The following LRRTM3 variants were observed in gnomAD, a reference collection of about 807,000 sequenced individuals.
LRRTM3 encodes leucine rich repeat transmembrane neuronal 3, also known as leucine-rich repeat transmembrane neuronal protein 3.
Under a neutral mutation model 44.7 loss-of-function variants are expected in LRRTM3, and 24 were observed. The ratio of observed to expected loss-of-function variants is 0.54; its 90% CI spans 0.39 to 0.76. The LOEUF (loss-of-function observed/expected upper bound fraction) is 0.76, where lower values mean the gene tolerates loss of function less well. Ranked by LOEUF, LRRTM3 falls within the 30% of genes least tolerant of loss-of-function variation. The probability of loss-of-function intolerance (pLI) is 0.00; values close to 1 mark genes in which losing one functional copy is unlikely to be tolerated. For synonymous variants in LRRTM3, 277 were observed against 278.7 expected (o/e 0.99, Z 0.06); for missense variants, 587 against 702.2 (o/e 0.84, Z 1.85).
intron 2 of LRRTM3, among the ~76,000 whole-genome samples, chr10:66,951,851 G>C (rs1848555313): frequency 1.3e-5 from 2 of 152,192 alleles, no homozygotes; most frequent in African/African-American, 4.8e-5. Context: ...CACCTGGCCT[G>C]ATTAAGTTGT....
intron 2 of LRRTM3, among the ~76,000 whole-genome samples, chr10:67,089,415 T>G (rs946080636): frequency 5.3e-5 from 8 of 152,088 alleles, no homozygotes; most frequent in African/African-American, 1.7e-4. Flanking sequence ...ATAATTAAAA[T>G]TAATGATCCA....
At chr10:67,048,803 TCATAA>T (rs1350875236) in intron 2 of LRRTM3, among the ~76,000 whole-genome samples, 1 of 152,062 alleles carries the variant, frequency 6.6e-6, no homozygotes, top group Non-Finnish European at 1.5e-5. Flanking sequence ...GTATTATATC[TCATAA>T]CATAATAGTA....
intron 2 of LRRTM3, among the ~76,000 whole-genome samples, chr10:67,077,401 C>T (rs1468497116): frequency 6.6e-6 from 1 of 152,132 alleles, no homozygotes; most frequent in Non-Finnish European, 1.5e-5. Context: ...GCCCTGATGG[C>T]TTTTTGAGTC....
chr10:66,941,579 A>G (rs1170000466), intron 2 of LRRTM3, among the ~76,000 whole-genome samples: 1 of 152,188 alleles, frequency 6.6e-6, no homozygotes. Flanking sequence ...GATCTGAAAA[A>G]AAATCAAAGG....
chr10:67,027,436 CT>C lies in LRRTM3; in HGVS notation c.1537-70135del, dbSNP rs5785811. Among the ~76,000 whole-genome samples the C allele has an allele frequency of 8.0e-3, 1,072 of 134,312 alleles. 13 individuals carry two copies. The highest frequency in any genetic ancestry group is 0.025 in the African/African-American group (898 of 36,316). 88.1% of individuals were successfully genotyped at this position (134,312 alleles called of 152,430 possible). On this transcript the variant is annotated intron_variant, in intron 2 of 2. Transcript: ENST00000361320. ...GACTTGCCTTTTTTTTCTTTCATGA[CT>C]TTTTTTTTTTTTTTTGATACACAGT...
chr10:67,063,779 G>A (rs955856251), intron 2 of LRRTM3, among the ~76,000 whole-genome samples: 1 of 152,182 alleles, frequency 6.6e-6, no homozygotes, highest in South Asian at 2.1e-4. Flanking sequence ...AATTTCTATT[G>A]AGAGGTGGCT....
chr10:66,989,097 T>A (rs1335100222), intron 2 of LRRTM3, among the ~76,000 whole-genome samples: 1 of 152,154 alleles, frequency 6.6e-6, no homozygotes, highest in Non-Finnish European at 1.5e-5. Context: ...TCCTGGAAAT[T>A]GTATCTGTTT....
intron 2 of LRRTM3, among the ~76,000 whole-genome samples, chr10:67,027,335 C>A (rs910711374): frequency 5.9e-5 from 9 of 151,986 alleles, no homozygotes; most frequent in Admixed American, 4.6e-4. Context: ...AACTGACATT[C>A]TTCTAAAATT....
chr10:66,967,870 T>G (rs1253028579), intron 2 of LRRTM3, among the ~76,000 whole-genome samples: 1 of 152,112 alleles, frequency 6.6e-6, no homozygotes, highest in Non-Finnish European at 1.5e-5. Flanking sequence ...TAATAGGTTC[T>G]TAGAAGGGAG....
At position 67,058,765 on chromosome 10, in the gene LRRTM3, G is replaced by C. The variant is rs556423159; in HGVS notation, c.1537-38822G>C. Among the ~76,000 whole-genome samples, 49 of 152,232 alleles carry C rather than the reference G, an allele frequency of 3.2e-4. No individual in the cohort carries two copies. In the Middle Eastern group the frequency reaches 0.01, roughly 32 times the overall value. ...TTGTGTATCTAAGGAATCGTGACTAGACTTGTAATGTCTGCATCACAGAGC... is the reference window on the plus strand; with the variant it reads ...TTGTGTATCTAAGGAATCGTGACTACACTTGTAATGTCTGCATCACAGAGC... On this transcript the variant is annotated intron_variant, in intron 2 of 2. Coordinates refer to ENST00000361320, the MANE Select transcript of LRRTM3 (RefSeq NM_178011.5).
At chr10:66,992,067 G>T (rs1851070795) in intron 2 of LRRTM3, among the ~76,000 whole-genome samples, 1 of 152,090 alleles carries the variant, frequency 6.6e-6, no homozygotes, top group Admixed American at 6.5e-5. Flanking sequence ...ATTAGGATAT[G>T]GACTTCCTCA....
chr10:66,928,159 A>C lies in LRRTM3; in HGVS notation c.1243A>C (p.Ile415Leu). 6.2e-7 allele frequency: 1 copy of C among 1,614,048 alleles called. No homozygotes were observed. The highest frequency in any genetic ancestry group is 8.5e-7 in the Non-Finnish European group (1 of 1,180,024). ...AGAGACCGATGCTGACGCCGAGCAC[A>C]TCTCTTTCCATAAAATCATCGCGGG... The part of the protein sequence containing the change: ...GPETDADAEH[I>L]SFHKIIAGSV... The change falls in exon 2 of 3, where the codon ATC (isoleucine) becomes CTC (leucine). Residue 415 changes from isoleucine to leucine, a missense_variant. Coordinates refer to ENST00000361320, the MANE Select transcript of LRRTM3 (RefSeq NM_178011.5).
At chr10:67,030,296 G>A (rs1041558126) in intron 2 of LRRTM3, among the ~76,000 whole-genome samples, 11 of 152,104 alleles carry the variant, frequency 7.2e-5, no homozygotes, top group Admixed American at 2.0e-4. Flanking sequence ...ATTTGAAGTC[G>A]AGTTCTAAAG....
intron 2 of LRRTM3, among the ~76,000 whole-genome samples, chr10:66,995,491 T>C (rs1271300515): frequency 6.6e-6 from 1 of 152,222 alleles, no homozygotes; most frequent in South Asian, 2.1e-4. Flanking sequence ...AAGTGATCTT[T>C]TTAAAACACG....
rs11369576 is a variant in LRRTM3, at chr10:67,005,682, C to CTTTTTTTTTTTT, written c.1536+77240_1536+77251dup. Among the ~76,000 whole-genome samples the CTTTTTTTTTTTT allele has an allele frequency of 6.7e-3, 413 of 61,932 alleles. 94 individuals are homozygous for CTTTTTTTTTTTT. The highest frequency in any genetic ancestry group is 0.017 in the Middle Eastern group (1 of 60). The allele number at this position is 61,932 out of a possible 152,430, so 40.6% of individuals were successfully genotyped here. A position where few individuals can be genotyped will look rare whatever the true frequency, so the allele number is the denominator to read the frequency against. Reference sequence around the variant, plus strand: ...AATGCTTTTGTTTATTTTACTCCATCTTTTTTTTTTTTTTTTTTTTTGAGA... The same window carrying CTTTTTTTTTTTT: ...AATGCTTTTGTTTATTTTACTCCATCTTTTTTTTTTTTTTTTTTTTTTTTTTTTTTTTTGAGA... On this transcript the variant is annotated intron_variant, in intron 2 of 2. Transcript: ENST00000361320.
In LRRTM3 at chr10:67,032,331, T is replaced by C. The variant is rs969587504; in HGVS notation, c.1537-65256T>C. Among the ~76,000 whole-genome samples, 3 of 152,288 alleles carry C rather than the reference T, an allele frequency of 2.0e-5. No individual in the cohort carries two copies. The South Asian group carries it at 6.2e-4, about 32-fold the overall frequency. ...AGAGGTAACTGACATATGAAAACTATCCTTAGAAAGAAATCAAGTAAAGTA... is the reference window on the plus strand; with the variant it reads ...AGAGGTAACTGACATATGAAAACTACCCTTAGAAAGAAATCAAGTAAAGTA... On this transcript the variant is annotated intron_variant, in intron 2 of 2. Transcript: ENST00000361320.
chr10:67,034,985 GC>G (rs1167840873), intron 2 of LRRTM3, among the ~76,000 whole-genome samples: 1 of 152,140 alleles, frequency 6.6e-6, no homozygotes, highest in Non-Finnish European at 1.5e-5. Flanking sequence ...CTCTTGGAAG[GC>G]CCCGTTCAGA....
chr10:66,976,897 T>A (rs994898125), intron 2 of LRRTM3, among the ~76,000 whole-genome samples: 1 of 152,222 alleles, frequency 6.6e-6, no homozygotes, highest in Non-Finnish European at 1.5e-5. Flanking sequence ...GCTTTCCAAA[T>A]AACTACTTTG....
At chr10:67,044,056 A>G (rs930010007) in intron 2 of LRRTM3, among the ~76,000 whole-genome samples, 2 of 152,014 alleles carry the variant, frequency 1.3e-5, no homozygotes, top group African/African-American at 4.8e-5. Flanking sequence ...GGTAGTAAAC[A>G]TAGTACCAAA....
Sources: gnomAD v4.1 joint callset for allele counts (sites outside exome capture counted in the v4.1 genomes callset) on GRCh38, gnomAD v4.1.1 for gene constraint, MANE v1.5 for transcripts, NCBI Gene and HGNC (gene_info 2026-07-23, HGNC 2026-07-21) for gene names.